Variants in HS1BP3 observed in about 807,000 individuals in gnomAD.
The protein encoded by HS1BP3 is HCLS1 binding protein 3.
A neutral mutation model predicts 33.5 loss-of-function variants in HS1BP3; 32 were observed. That is an observed-to-expected ratio of 0.95 (90% CI 0.72 to 1.28). The LOEUF is 1.28. Among genes scored for constraint, HS1BP3 ranks in the 50% most tolerant of loss-of-function variants. HS1BP3 has a pLI of 0.00. For synonymous variants in HS1BP3, 187 were observed against 209.2 expected (o/e 0.89, Z 0.92); for missense variants, 486 against 502.3 (o/e 0.97, Z 0.31).
chr2:20,621,494 T>A lies in HS1BP3; in HGVS notation c.921-2249A>T, dbSNP rs541750860. Among the ~76,000 whole-genome samples, 17 of 152,340 alleles carry A rather than the reference T, an allele frequency of 1.1e-4. 1 individual carries two copies. The East Asian group carries it at 2.5e-3, about 22-fold the overall frequency. On this transcript the variant is annotated intron_variant, in intron 6 of 6. Transcript: ENST00000304031. ...CAGGAGGTGTCACTCATGGCCAGTC[T>A]GCTCCTGGCCACCTCAGGTCAGATG...
At chr2:20,569,154 G>C (rs1476570189) in intron 5 of HS1BP3, among the ~76,000 whole-genome samples, 1 of 152,186 alleles carries the variant, frequency 6.6e-6, no homozygotes, top group Non-Finnish European at 1.5e-5. Context: ...AGGCAGGAGA[G>C]AGAGAGAGAA....
chr2:20,597,824 G>C (rs889308767), intron 3 of HS1BP3, among the ~76,000 whole-genome samples: 6 of 152,188 alleles, frequency 3.9e-5, no homozygotes. Context: ...CCTGCTTCCT[G>C]TTTCCCAGCC....
chr2:20,641,219 T>C (rs1445760951), intron 2 of HS1BP3, 39 bp from the exon 3 acceptor site: 1 of 1,558,340 alleles, frequency 6.4e-7, no homozygotes, highest in African/African-American at 1.3e-5. Context: ...GAGTGAAGAG[T>C]GGCAGGCAGT....
intron 5 of HS1BP3, among the ~76,000 whole-genome samples, chr2:20,571,057 G>A (rs1185934772): frequency 1.3e-5 from 2 of 152,170 alleles, no homozygotes; most frequent in South Asian, 2.1e-4. Flanking sequence ...GGGAGGGTCC[G>A]GCTTCTGGGA....
intron 5 of HS1BP3, among the ~76,000 whole-genome samples, chr2:20,579,022 G>C (rs1416850862): frequency 1.3e-5 from 2 of 152,240 alleles, no homozygotes; most frequent in African/African-American, 2.4e-5. Context: ...GCTGAGCCAG[G>C]TTTGGTGGCC....
At chr2:20,627,024 C>T (rs775673670) in intron 4 of HS1BP3, among the ~76,000 whole-genome samples, 1 of 152,182 alleles carries the variant, frequency 6.6e-6, no homozygotes, top group Non-Finnish European at 1.5e-5. Context: ...CCAAGCAGGC[C>T]CAGGAGGCTG....
chr2:20,639,351 A>G (rs1695268109), intron 3 of HS1BP3, among the ~76,000 whole-genome samples: 1 of 152,232 alleles, frequency 6.6e-6, no homozygotes, highest in Non-Finnish European at 1.5e-5. Flanking sequence ...CATCATCACA[A>G]TACCCAAGTG....
chr2:20,569,721 C>T (rs1693220329), intron 5 of HS1BP3, among the ~76,000 whole-genome samples: 1 of 152,260 alleles, frequency 6.6e-6, no homozygotes, highest in Admixed American at 6.5e-5. Flanking sequence ...GTCTCCCAAC[C>T]ATTGGCCTGT....
At chr2:20,646,597 G>A (rs941731685) in intron 1 of HS1BP3, among the ~76,000 whole-genome samples, 3 of 152,262 alleles carry the variant, frequency 2.0e-5, no homozygotes, top group African/African-American at 2.4e-5. Context: ...ATATCCTCCC[G>A]CGGCGTAGGG....
At chr2:20,572,040 C>T (rs1462112611) in intron 5 of HS1BP3, among the ~76,000 whole-genome samples, 2 of 152,250 alleles carry the variant, frequency 1.3e-5, no homozygotes, top group African/African-American at 2.4e-5. Context: ...AGTCACAGAG[C>T]TAAGAGCAAG....
At chr2:20,573,943 T>C (rs369815739) in intron 5 of HS1BP3, among the ~76,000 whole-genome samples, 1 of 152,068 alleles carries the variant, frequency 6.6e-6, no homozygotes, top group East Asian at 1.9e-4. Flanking sequence ...TTCAGGGACA[T>C]AGAGAATGAA....
At chr2:20,580,594 G>T (rs894281274) in intron 5 of HS1BP3, among the ~76,000 whole-genome samples, 1 of 152,060 alleles carries the variant, frequency 6.6e-6, no homozygotes, top group Non-Finnish European at 1.5e-5. Context: ...AGGAATCAAA[G>T]GTTATAAAAA....
chr2:20,630,073 C>G (rs1369180299), intron 4 of HS1BP3, among the ~76,000 whole-genome samples: 1 of 152,264 alleles, frequency 6.6e-6, no homozygotes, highest in African/African-American at 2.4e-5. Context: ...GCCAGCTTAA[C>G]TGGGTCTGAA....
intron 5 of HS1BP3, among the ~76,000 whole-genome samples, chr2:20,571,714 C>T (rs1025280079): frequency 6.6e-6 from 1 of 152,290 alleles, no homozygotes; most frequent in South Asian, 2.1e-4. Context: ...CTGCCTTGGG[C>T]CCATGCTCAC....
chr2:20,599,370 G>A (rs1440956628), intron 2 of HS1BP3, among the ~76,000 whole-genome samples: 4 of 152,352 alleles, frequency 2.6e-5, no homozygotes, highest in South Asian at 2.1e-4. Context: ...CTGTCCCAGC[G>A]AGCTGCCTGG....
chr2:20,561,409 T>C (rs1692990316), intron 5 of HS1BP3, among the ~76,000 whole-genome samples: 1 of 152,196 alleles, frequency 6.6e-6, no homozygotes, highest in Admixed American at 6.5e-5. Flanking sequence ...AGTAAATAAA[T>C]GGGCCTCACA....
At chr2:20,559,155 G>A (rs1415537022), downstream of HS1BP3, among the ~76,000 whole-genome samples, 2 of 152,160 alleles carry the variant, frequency 1.3e-5, no homozygotes, top group South Asian at 4.1e-4. Context: ...GAGGGAGAGG[G>A]CTACCATCCT....
chr2:20,629,733 A>G (rs1342545875), intron 4 of HS1BP3, among the ~76,000 whole-genome samples: 2 of 152,144 alleles, frequency 1.3e-5, no homozygotes, highest in African/African-American at 4.8e-5. Flanking sequence ...ATGGACAGAC[A>G]CCCGCTTTCC....
chr2:20,597,911 G>A (rs188504492), intron 3 of HS1BP3, among the ~76,000 whole-genome samples: 188 of 152,156 alleles, frequency 1.2e-3, no homozygotes, highest in Non-Finnish European at 2.3e-3. Context: ...CAGGGGAGCC[G>A]GCTGCCTCCT....
Sources: gnomAD v4.1 joint callset for allele counts (sites outside exome capture counted in the v4.1 genomes callset) on GRCh38, gnomAD v4.1.1 for gene constraint, MANE v1.5 for transcripts, NCBI Gene and HGNC (gene_info 2026-07-23, HGNC 2026-07-21) for gene names.